The following PTPRN2 variants were observed in gnomAD, a reference collection of about 807,000 sequenced individuals.
PTPRN2 encodes the protein receptor-type tyrosine-protein phosphatase N2.
In PTPRN2, 74 loss-of-function variants were observed where a neutral mutation model predicts 118.8. That is an observed-to-expected ratio of 0.62 (90% CI 0.52 to 0.76). The LOEUF is 0.76. Ranked by LOEUF, PTPRN2 falls within the 30% of genes least tolerant of loss-of-function variation. The pLI is 0.00. For synonymous variants in PTPRN2, 641 were observed against 608.0 expected, an observed-to-expected ratio of 1.05 and a Z score of -0.80; for missense variants, 1,481 against 1,394.4, an observed-to-expected ratio of 1.06 and a Z score of -0.99.
In PTPRN2 at chr7:158,587,567, C is replaced by T. The variant is rs1457096126; in HGVS notation, c.103G>A (p.Gly35Arg). The T allele has an allele frequency of 6.0e-6, 8 of 1,335,980 alleles. No homozygotes were observed. Among genetic ancestry groups the T allele is most frequent in the Non-Finnish European group, 5.7e-6 (6 of 1,048,568 alleles). 82.8% of individuals were successfully genotyped at this position (1,335,980 alleles called of 1,614,324 possible). Reference sequence around the variant, plus strand: ...GGCGCCCCCCACTCACCCAGACGCCCCGGGAGCTGCCGGCCGCGGGGGACG... The same window carrying T: ...GGCGCCCCCCACTCACCCAGACGCCTCGGGAGCTGCCGGCCGCGGGGGACG... ...SSVPRGRQLP[G>R]RLGCLLEEGL... Residue 35 changes from glycine (G) to arginine (R), a missense_variant, in exon 1 of 23, where the codon GGG becomes AGG. Gly to Arg is a moderately radical substitution (Grantham distance 125). This residue lies in a region of PTPRN2 where 1,115 missense variants were observed against 994.2 expected (regional missense o/e 1.12). Transcript: ENST00000389418.
At chr7:158,255,032 C>T (rs10248148) in intron 3 of PTPRN2, among the ~76,000 whole-genome samples, 122,817 of 152,190 alleles carry the variant, frequency 0.81, 50,017 homozygotes, top group African/African-American at 0.91. Flanking sequence ...ACATCCCTTC[C>T]CTGCTCACCC....
intron 12 of PTPRN2, among the ~76,000 whole-genome samples, chr7:157,702,043 G>C (rs1046116985): frequency 8.7e-5 from 13 of 150,248 alleles, no homozygotes; most frequent in Admixed American, 5.3e-4. Context: ...AAGAAAGCCC[G>C]GTCGGTGCTG....
At chr7:157,819,221 G>A (rs934676901) in intron 12 of PTPRN2, among the ~76,000 whole-genome samples, 3 of 152,142 alleles carry the variant, frequency 2.0e-5, no homozygotes, top group African/African-American at 4.8e-5. Context: ...ACCCAGGGAC[G>A]CGCTCATTTG....
intron 11 of PTPRN2, among the ~76,000 whole-genome samples, chr7:157,989,838 G>A (rs897192637): frequency 6.6e-6 from 1 of 152,172 alleles, no homozygotes; most frequent in Non-Finnish European, 1.5e-5. Flanking sequence ...CCAATCCCCC[G>A]CCTGCTGGCT....
chr7:157,943,277 A>G (rs1800260414), intron 11 of PTPRN2, among the ~76,000 whole-genome samples: 1 of 152,180 alleles, frequency 6.6e-6, no homozygotes, highest in Non-Finnish European at 1.5e-5. Context: ...GGGCTTTGCT[A>G]GGAAAATGTC....
chr7:157,611,002 A>C lies in PTPRN2; in HGVS notation c.2345-6927T>G, dbSNP rs1802296720. On this transcript the variant is annotated intron_variant, in intron 15 of 22. Coordinates refer to ENST00000389418, the MANE Select transcript of PTPRN2 (RefSeq NM_002847.5). This position sits in a 1 kb window ranked among gnomAD's most constrained non-coding sequence, Gnocchi z 5.9. ...GCTCATATCCAGAAAGCCCTGCTAC[A>C]TCCAGAGATGGTCATGAAAATGAGA... Among the ~76,000 whole-genome samples the C allele has an allele frequency of 6.6e-6, 1 of 152,172 alleles. No individual in the cohort carries two copies. Among genetic ancestry groups the C allele is most frequent in the Admixed American group, 6.5e-5 (1 of 15,278 alleles).
intron 11 of PTPRN2, among the ~76,000 whole-genome samples, chr7:158,012,858 G>A (rs1303925090): frequency 6.6e-6 from 1 of 152,200 alleles, no homozygotes; most frequent in Non-Finnish European, 1.5e-5. Context: ...GCTGGCAAAT[G>A]CAGATTTTAC....
In PTPRN2 at chr7:158,192,046, G is replaced by A. The variant is rs564819132; in HGVS notation, c.549+281C>T. On this transcript the variant is annotated intron_variant, in intron 5 of 22. Coordinates refer to ENST00000389418, the MANE Select transcript of PTPRN2 (RefSeq NM_002847.5). Reference sequence around the variant, plus strand: ...TCCTCTACCTCCCTGGTGTGCATCTGTGGTTTAAATGGTGGGCTTTCTGGA... The same window carrying A: ...TCCTCTACCTCCCTGGTGTGCATCTATGGTTTAAATGGTGGGCTTTCTGGA... Among the ~76,000 whole-genome samples the A allele has an allele frequency of 2.9e-4, 44 of 152,298 alleles. 1 individual carries two copies. The highest frequency in any genetic ancestry group is 3.4e-3 in the Middle Eastern group (1 of 294).
intron 21 of PTPRN2, among the ~76,000 whole-genome samples, chr7:157,555,931 G>A (rs1364411113): frequency 6.6e-6 from 1 of 152,230 alleles, no homozygotes; most frequent in Admixed American, 6.5e-5. Context: ...AGGCTGCGAT[G>A]TTTCTGCTTT....
rs1026804316 is a variant in PTPRN2, at chr7:158,053,949, G to A, written c.1723+27349C>T. Among the ~76,000 whole-genome samples, 14 of 151,300 alleles carry A rather than the reference G, an allele frequency of 9.3e-5. 1 individual carries two copies. Among genetic ancestry groups the A allele is most frequent in the African/African-American group, 3.2e-4 (13 of 41,202 alleles). On this transcript the variant is annotated intron_variant, in intron 11 of 22. Coordinates refer to ENST00000389418, the MANE Select transcript of PTPRN2 (RefSeq NM_002847.5). ...CCAGAGACGCAGAGACTCCAGAGATGCAGAGACCCCAGAGATGCAGAGACC... is the reference window on the plus strand; with the variant it reads ...CCAGAGACGCAGAGACTCCAGAGATACAGAGACCCCAGAGATGCAGAGACC...
At chr7:158,035,793 C>A (rs750259447) in intron 11 of PTPRN2, among the ~76,000 whole-genome samples, 3 of 152,150 alleles carry the variant, frequency 2.0e-5, no homozygotes, top group African/African-American at 4.8e-5. Context: ...GTTGGAGGAA[C>A]CTTTCCAACA....
chr7:158,404,551 T>C lies in PTPRN2; in HGVS notation c.163+85184A>G, dbSNP rs553729854. The stretch of plus-strand genomic sequence containing the variant: ...TTTGGGCAATTGCTGGCTGCATTCC[T>C]TAAATCCCTGTTTGGTTATATCCAC... On this transcript the variant is annotated intron_variant, in intron 2 of 22. Transcript: ENST00000389418. Among the ~76,000 whole-genome samples the C allele has an allele frequency of 1.5e-3, 232 of 152,242 alleles. 1 individual carries two copies. The highest frequency in any genetic ancestry group is 5.4e-3 in the African/African-American group (224 of 41,526).
chr7:158,246,656 C>T (rs1796269200), intron 3 of PTPRN2, among the ~76,000 whole-genome samples: 1 of 151,908 alleles, frequency 6.6e-6, no homozygotes, highest in African/African-American at 2.4e-5. Context: ...GTGACTGCAA[C>T]CAAAAGCATA....
chr7:157,829,499 G>A (rs1417957715), intron 12 of PTPRN2, among the ~76,000 whole-genome samples: 1 of 151,042 alleles, frequency 6.6e-6, no homozygotes, highest in Admixed American at 6.7e-5. Context: ...GTCTGGACAA[G>A]GCTGTCATTA....
chr7:157,735,704 G>C (rs971712662), intron 12 of PTPRN2, among the ~76,000 whole-genome samples: 2 of 152,140 alleles, frequency 1.3e-5, no homozygotes, highest in Non-Finnish European at 2.9e-5. Context: ...TAAACTCCTC[G>C]GGGCAGGCGC....
chr7:157,809,745 A>G (rs1337382123), intron 12 of PTPRN2, among the ~76,000 whole-genome samples: 1 of 152,050 alleles, frequency 6.6e-6, no homozygotes, highest in South Asian at 2.1e-4. Flanking sequence ...TGGCCCTGAC[A>G]ACACCTGGAT....
chr7:157,959,868 G>T (rs954042026), intron 11 of PTPRN2, among the ~76,000 whole-genome samples: 14 of 152,184 alleles, frequency 9.2e-5, no homozygotes, highest in African/African-American at 3.1e-4. Context: ...GAACTTGAAT[G>T]GATATTTCTA....
rs1206801492 is a variant in PTPRN2 at position 158,544,087 on chromosome 7, C to T, written c.112+43471G>A. Reference sequence around the variant, plus strand: ...AGCAGAGGAGGCGGTGAGTGCCCCACGCTCAGGAGTGCACCCGGTGGAGGG... The same window carrying T: ...AGCAGAGGAGGCGGTGAGTGCCCCATGCTCAGGAGTGCACCCGGTGGAGGG... On this transcript the variant is annotated intron_variant, in intron 1 of 22. Coordinates refer to ENST00000389418, the MANE Select transcript of PTPRN2 (RefSeq NM_002847.5). The surrounding 1 kb of genome is among the most constrained non-coding windows in gnomAD (Gnocchi z 4.2). Among the ~76,000 whole-genome samples, 1 of 152,182 alleles carries T rather than the reference C, an allele frequency of 6.6e-6. No homozygotes were observed. The highest frequency in any genetic ancestry group is 1.5e-5 in the Non-Finnish European group (1 of 68,036).
intron 9 of PTPRN2, among the ~76,000 whole-genome samples, chr7:158,131,516 GAC>G (rs1437068073): frequency 7.0e-6 from 1 of 142,978 alleles, no homozygotes. Flanking sequence ...ACATCTACCC[GAC>G]ACACACACTC....
Sources: gnomAD v4.1 joint callset for allele counts (sites outside exome capture counted in the v4.1 genomes callset) on GRCh38, gnomAD v4.1.1 for gene constraint, gnomAD v4.1.1 regional missense constraint, Gnocchi (gnomAD v3.1) non-coding constraint, MANE v1.5 for transcripts, NCBI Gene and HGNC (gene_info 2026-07-23, HGNC 2026-07-21) for gene names.